DCAF7: variants seen among roughly 807,000 people sequenced by gnomAD.
DCAF7 encodes DDB1- and CUL4-associated factor 7.
A neutral mutation model predicts 41.2 loss-of-function variants in DCAF7; 4 were observed. The observed-to-expected ratio is 0.10, with a 90% CI of 0.05 to 0.22. The LOEUF is 0.22. DCAF7 is among the 10% of genes least tolerant of loss of function. DCAF7 has a pLI of 1.00. For synonymous variants in DCAF7, 143 were observed against 164.2 expected (o/e 0.87, Z 0.99); for missense variants, 131 against 443.2 (o/e 0.30, Z 6.32).
intron 1 of DCAF7, among the ~76,000 whole-genome samples, chr17:63,566,950 CTATT>C (rs2033449172): frequency 6.6e-6 from 1 of 150,570 alleles, no homozygotes; most frequent in Non-Finnish European, 1.5e-5. Context: ...TGATGCAAGT[CTATT>C]TAAGCTTTTT....
At chr17:63,557,671 G>C (rs1205572044) in intron 1 of DCAF7, among the ~76,000 whole-genome samples, 1 of 152,120 alleles carries the variant, frequency 6.6e-6, no homozygotes, top group Admixed American at 6.5e-5. Flanking sequence ...TGTCCCTCAA[G>C]AAGAGGACCA....
At chr17:63,560,078 A>G (rs2033364723) in intron 1 of DCAF7, among the ~76,000 whole-genome samples, 1 of 152,168 alleles carries the variant, frequency 6.6e-6, no homozygotes, top group Admixed American at 6.6e-5. Context: ...AGAGAAATAG[A>G]TAGGAAGAGT....
At chr17:63,562,762 C>T (rs1391327967) in intron 1 of DCAF7, among the ~76,000 whole-genome samples, 1 of 143,030 alleles carries the variant, frequency 7.0e-6, no homozygotes, top group East Asian at 2.1e-4. Context: ...TTGTTCAATT[C>T]CCACCTATGA....
chr17:63,583,809 G>T, intron 5 of DCAF7, 98 bp downstream of exon 5: 1 of 1,258,872 alleles, frequency 7.9e-7, no homozygotes, highest in Non-Finnish European at 1.1e-6. Context: ...TTTGGCTCCC[G>T]GAGTATCTTT....
intron 1 of DCAF7, among the ~76,000 whole-genome samples, chr17:63,577,145 G>A (rs536812337): frequency 1.3e-5 from 2 of 152,114 alleles, no homozygotes; most frequent in South Asian, 2.1e-4. Context: ...GGTTGACTGC[G>A]GAGGAGCCTG....
chr17:63,566,945 C>G (rs2033449044), intron 1 of DCAF7, among the ~76,000 whole-genome samples: 1 of 151,494 alleles, frequency 6.6e-6, no homozygotes, highest in African/African-American at 2.4e-5. Flanking sequence ...TTTTATGATG[C>G]AAGTCTATTT....
intron 1 of DCAF7, among the ~76,000 whole-genome samples, chr17:63,558,195 C>CA (rs1217340293): frequency 6.6e-6 from 1 of 152,036 alleles, no homozygotes. Flanking sequence ...CCTGGCATCC[C>CA]TAGGAACATT....
At chr17:63,556,728 G>A (rs1345245148) in intron 1 of DCAF7, among the ~76,000 whole-genome samples, 2 of 151,274 alleles carry the variant, frequency 1.3e-5, no homozygotes, top group Non-Finnish European at 2.9e-5. Flanking sequence ...TTAGCCAGAT[G>A]TGGTGGTGCG....
intron 2 of DCAF7, among the ~76,000 whole-genome samples, chr17:63,579,070 T>A (rs1423762405): frequency 6.6e-6 from 1 of 152,196 alleles, no homozygotes; most frequent in African/African-American, 2.4e-5. Context: ...TTAGTACACC[T>A]GTGCAGAGGT....
intron 1 of DCAF7, among the ~76,000 whole-genome samples, chr17:63,573,600 T>C (rs551189678): frequency 5.7e-4 from 87 of 152,064 alleles, no homozygotes; most frequent in African/African-American, 2.1e-3. Flanking sequence ...TACAGTGGCA[T>C]CTGCCTGTAA....
intron 1 of DCAF7, among the ~76,000 whole-genome samples, chr17:63,561,258 C>G (rs1371518763): frequency 6.6e-6 from 1 of 152,056 alleles, no homozygotes; most frequent in African/African-American, 2.4e-5. Flanking sequence ...GAGCAAGACT[C>G]TATCTCAAAA....
chr17:63,568,055 C>G (rs1201097184), intron 1 of DCAF7, among the ~76,000 whole-genome samples: 1 of 148,986 alleles, frequency 6.7e-6, no homozygotes, highest in Non-Finnish European at 1.5e-5. Context: ...GAGTCTCGCT[C>G]TGTTGCCCAG....
chr17:63,588,283 G>A (rs1233111748), intron 6 of DCAF7, among the ~76,000 whole-genome samples: 4 of 147,528 alleles, frequency 2.7e-5, no homozygotes, highest in Non-Finnish European at 4.4e-5. Context: ...TGCCTCCCGA[G>A]TTAAAGCGAT....
intron 1 of DCAF7, among the ~76,000 whole-genome samples, chr17:63,552,081 A>G (rs2033263332): frequency 6.6e-6 from 1 of 151,690 alleles, no homozygotes; most frequent in Non-Finnish European, 1.5e-5. Flanking sequence ...CTGTCTCAGA[A>G]AAAAAAAGAA....
At chr17:63,574,726 A>G (rs1028447551) in intron 1 of DCAF7, among the ~76,000 whole-genome samples, 14 of 152,260 alleles carry the variant, frequency 9.2e-5, no homozygotes, top group Non-Finnish European at 2.1e-4. Context: ...TAAGCCCAGC[A>G]TACTGGGAGG....
intron 1 of DCAF7, among the ~76,000 whole-genome samples, chr17:63,568,209 C>G (rs1353545171): frequency 6.6e-6 from 1 of 151,980 alleles, no homozygotes; most frequent in Non-Finnish European, 1.5e-5. Context: ...TTAGTAGAGC[C>G]AGGCTGGCCT....
chr17:63,560,459 G>C (rs2033368537), intron 1 of DCAF7, among the ~76,000 whole-genome samples: 1 of 152,168 alleles, frequency 6.6e-6, no homozygotes, highest in African/African-American at 2.4e-5. Flanking sequence ...GAATGAGCTA[G>C]CTTTTCATAT....
At chr17:63,588,882 A>T in intron 6 of DCAF7, 118 bp from the exon 7 acceptor site, 1 of 1,130,238 alleles carries the variant, frequency 8.8e-7, no homozygotes, top group Non-Finnish European at 1.2e-6. Flanking sequence ...ATGGGGGCTT[A>T]AAATAGAACC....
intron 5 of DCAF7, 81 bp from the exon 6 acceptor site, chr17:63,585,130 A>T: frequency 8.7e-7 from 1 of 1,149,078 alleles, no homozygotes; most frequent in Non-Finnish European, 1.3e-6. Context: ...GCCTAAAAAG[A>T]TTTTTGCATG....
Sources: allele counts gnomAD v4.1 joint callset (sites outside exome capture counted in the v4.1 genomes callset), GRCh38; gene constraint gnomAD v4.1.1; transcripts MANE v1.5; gene names NCBI Gene and HGNC (gene_info 2026-07-23, HGNC 2026-07-21).